Variants in SLC35F4 observed in about 807,000 individuals in gnomAD.
SLC35F4 encodes the protein chromosome 14 open reading frame 36.
SLC35F4 carries 24 observed loss-of-function variants against 44.2 expected under a neutral mutation model. That is an observed-to-expected ratio of 0.54 (90% confidence interval 0.39 to 0.76). The LOEUF is 0.76. Ranked by LOEUF, SLC35F4 falls within the 30% of genes least tolerant of loss-of-function variation. The probability of loss-of-function intolerance (pLI) is 0.00; values close to 1 mark genes in which losing one functional copy is unlikely to be tolerated. For missense variants in SLC35F4, 562 were observed against 586.1 expected (o/e 0.96, Z 0.42); for synonymous variants, 238 against 223.6 (o/e 1.06, Z -0.57).
intron 1 of SLC35F4, among the ~76,000 whole-genome samples, chr14:57,979,308 C>T (rs535404923): frequency 6.6e-6 from 1 of 152,264 alleles, no homozygotes; most frequent in African/African-American, 2.4e-5. Flanking sequence ...CAAGGGTACT[C>T]TATGATAGAT....
At chr14:57,867,613 C>T (rs538415082), upstream of SLC35F4, among the ~76,000 whole-genome samples, 81 of 147,644 alleles carry the variant, frequency 5.5e-4, no homozygotes, top group African/African-American at 2.0e-4. Context: ...CCCCCCCCCA[C>T]GTGAAATAAT....
At chr14:57,596,704 T>A (rs371252776) in intron 1 of SLC35F4, 1 of 1,115,412 alleles carries the variant, frequency 9.0e-7, no homozygotes, top group Non-Finnish European at 1.3e-6. Context: ...GTTGGTAACT[T>A]GTGTGTAGCG....
chr14:57,588,261 T>C (rs12896156), intron 3 of SLC35F4, among the ~76,000 whole-genome samples: 50,319 of 152,118 alleles, frequency 0.33, 8,414 homozygotes, highest in Middle Eastern at 0.37. Flanking sequence ...TTTCATTTGG[T>C]ACAGGGGCAA....
At chr14:57,816,191 A>G (rs1170364180) in intron 1 of SLC35F4, among the ~76,000 whole-genome samples, 1 of 152,184 alleles carries the variant, frequency 6.6e-6, no homozygotes, top group African/African-American at 2.4e-5. Context: ...ATTGGGCCCC[A>G]TGCGTGTAAA....
chr14:57,823,696 T>A (rs772941096), intron 1 of SLC35F4, among the ~76,000 whole-genome samples: 1 of 152,212 alleles, frequency 6.6e-6, no homozygotes, highest in Non-Finnish European at 1.5e-5. Context: ...TCTATTCTGG[T>A]CTTAATAGAT....
At chr14:57,827,767 A>G (rs1444786066) in intron 1 of SLC35F4, among the ~76,000 whole-genome samples, 1 of 150,976 alleles carries the variant, frequency 6.6e-6, no homozygotes, top group Non-Finnish European at 1.5e-5. Context: ...TTAATATACA[A>G]TTATAAGGCA....
At chr14:57,853,571 G>C (rs1029274436) in intron 1 of SLC35F4, among the ~76,000 whole-genome samples, 1 of 151,958 alleles carries the variant, frequency 6.6e-6, no homozygotes, top group African/African-American at 2.4e-5. Flanking sequence ...ATATAAATTG[G>C]GCCAAAATGT....
At chr14:57,979,940 T>C (rs1271957236) in intron 1 of SLC35F4, among the ~76,000 whole-genome samples, 1 of 152,214 alleles carries the variant, frequency 6.6e-6, no homozygotes, top group Non-Finnish European at 1.5e-5. Context: ...TCAGGGTTAA[T>C]GCTTTTTCCA....
chr14:57,733,902 T>C (rs540480434), intron 1 of SLC35F4, among the ~76,000 whole-genome samples: 16 of 152,302 alleles, frequency 1.1e-4, no homozygotes, highest in African/African-American at 3.8e-4. Context: ...CCATATGTAT[T>C]TTATTTATAA....
chr14:57,834,610 A>G (rs1027827073), intron 1 of SLC35F4, among the ~76,000 whole-genome samples: 5 of 152,252 alleles, frequency 3.3e-5, no homozygotes, highest in Admixed American at 3.3e-4. Flanking sequence ...AGAAAGGACA[A>G]TGGTATAACT....
chr14:57,771,384 C>A (rs2140681729), intron 1 of SLC35F4, among the ~76,000 whole-genome samples: 1 of 152,246 alleles, frequency 6.6e-6, no homozygotes, highest in Middle Eastern at 3.4e-3. Context: ...TTACAAATGA[C>A]TTTGGACCAA....
intron 1 of SLC35F4, among the ~76,000 whole-genome samples, chr14:57,828,398 T>A (rs1046138027): frequency 6.6e-6 from 1 of 152,100 alleles, no homozygotes; most frequent in Non-Finnish European, 1.5e-5. Flanking sequence ...GTATTATAAA[T>A]AATAATAATT....
intron 1 of SLC35F4, among the ~76,000 whole-genome samples, chr14:57,729,310 G>C (rs925193179): frequency 1.3e-5 from 2 of 152,120 alleles, no homozygotes; most frequent in Non-Finnish European, 2.9e-5. Context: ...CAGAAGGAAA[G>C]AGTCTTTTAC....
At chr14:57,747,354 T>C (rs1425043440) in intron 1 of SLC35F4, among the ~76,000 whole-genome samples, 1 of 152,194 alleles carries the variant, frequency 6.6e-6, no homozygotes, top group Non-Finnish European at 1.5e-5. Flanking sequence ...TAGCCTACCT[T>C]TGCAATAAAC....
intron 1 of SLC35F4, among the ~76,000 whole-genome samples, chr14:57,670,362 GC>G (rs1215363928): frequency 6.6e-6 from 1 of 151,890 alleles, no homozygotes; most frequent in Non-Finnish European, 1.5e-5. Flanking sequence ...GTTATTTCTT[GC>G]CTTCTGCTGG....
At chr14:57,794,635 G>A (rs1325354791) in intron 1 of SLC35F4, among the ~76,000 whole-genome samples, 3 of 151,940 alleles carry the variant, frequency 2.0e-5, no homozygotes, top group Admixed American at 6.6e-5. Flanking sequence ...GGGTCTGTAG[G>A]CCCATTCTGT....
chr14:57,658,890 C>A (rs114827607), intron 1 of SLC35F4, among the ~76,000 whole-genome samples: 268 of 152,128 alleles, frequency 1.8e-3, no homozygotes, highest in African/African-American at 6.2e-3. Flanking sequence ...CACATTTGAA[C>A]AATTTAGGAT....
intron 6 of SLC35F4, among the ~76,000 whole-genome samples, chr14:57,568,302 A>G (rs1454743673): frequency 6.6e-6 from 1 of 152,214 alleles, no homozygotes; most frequent in Admixed American, 6.5e-5. Flanking sequence ...CGCGTATTGG[A>G]TATGCCAAGG....
At chr14:57,946,037 C>T (rs930208332) in intron 1 of SLC35F4, among the ~76,000 whole-genome samples, 1 of 152,132 alleles carries the variant, frequency 6.6e-6, no homozygotes, top group Admixed American at 6.6e-5. Flanking sequence ...CTTTGTTGGA[C>T]GCATAGTTTG....
Sources: gnomAD v4.1 joint callset for allele counts (sites outside exome capture counted in the v4.1 genomes callset) on GRCh38, gnomAD v4.1.1 for gene constraint, MANE v1.5 for transcripts, NCBI Gene and HGNC (gene_info 2026-07-23, HGNC 2026-07-21) for gene names.